The following DENND1C variants were observed in gnomAD, a reference collection of about 807,000 sequenced individuals.
The protein encoded by DENND1C is DENN domain containing 1C, also known as DENN domain-containing protein 1C.
In DENND1C, 64 loss-of-function variants were observed where a neutral mutation model predicts 87.9. The ratio of observed to expected loss-of-function variants is 0.73; its 90% CI spans 0.60 to 0.90. The LOEUF is 0.90. Ranked by LOEUF, DENND1C falls within the 40% of genes least tolerant of loss-of-function variation. The probability of loss-of-function intolerance (pLI) is 0.00; values close to 1 mark genes in which losing one functional copy is unlikely to be tolerated. For synonymous variants in DENND1C, 384 were observed against 424.4 expected, an observed-to-expected ratio of 0.90 and a Z score of 1.17; for missense variants, 980 against 1,037.0, an observed-to-expected ratio of 0.95 and a Z score of 0.76.
chr19:6,473,816 G>GGGGGGGGGGGGGGGGGGGGA (rs1231177042), intron 14 of DENND1C, among the ~76,000 whole-genome samples: 11 of 131,566 alleles, frequency 8.4e-5, no homozygotes, highest in Admixed American at 1.6e-4. Flanking sequence ...GGGGGGTGGG[G>GGGGGGGGGGGGGGGGGGGGA]GGAGGGAAAT....
chr19:6,479,200 A>G (rs2092882048), intron 4 of DENND1C, 144 bp from the exon 5 acceptor site: 4 of 1,196,160 alleles, frequency 3.3e-6, no homozygotes, highest in Non-Finnish European at 2.3e-6. Context: ...TGGGTCTCAG[A>G]ATCCCTGGGT....
intron 14 of DENND1C, among the ~76,000 whole-genome samples, chr19:6,474,238 G>A (rs912154818): frequency 5.3e-5 from 8 of 151,950 alleles, no homozygotes; most frequent in South Asian, 2.1e-4. Flanking sequence ...GACTGCTTGC[G>A]GGGGAGTCCC....
At chr19:6,473,816 G>GGGGGGGGGGTGGGA (rs1231177042) in intron 14 of DENND1C, among the ~76,000 whole-genome samples, 10 of 131,570 alleles carry the variant, frequency 7.6e-5, no homozygotes, top group South Asian at 2.8e-4. Flanking sequence ...GGGGGGTGGG[G>GGGGGGGGGGTGGGA]GGAGGGAAAT....
intron 10 of DENND1C, chr19:6,476,213 G>A (rs1225997786): frequency 4.5e-6 from 2 of 447,778 alleles, no homozygotes; most frequent in Non-Finnish European, 7.9e-6. Context: ...TCCCCATGCA[G>A]GTAGAGCAAG....
At chr19:6,474,866 C>T (rs578110985) in intron 14 of DENND1C, among the ~76,000 whole-genome samples, 16 of 151,996 alleles carry the variant, frequency 1.1e-4, no homozygotes, top group South Asian at 4.2e-4. Flanking sequence ...GTCAGGAGTT[C>T]GAGACCAGCC....
At chr19:6,474,210 AAAAAAG>A (rs1436746288) in intron 14 of DENND1C, among the ~76,000 whole-genome samples, 3 of 150,964 alleles carry the variant, frequency 2.0e-5, no homozygotes, top group Non-Finnish European at 4.4e-5. Context: ...AAAAAAAAAA[AAAAAAG>A]AAGAAGAAGA....
chr19:6,473,071 A>G, intron 14 of DENND1C, 78 bp from the exon 15 acceptor site: 3 of 1,085,156 alleles, frequency 2.8e-6, no homozygotes, highest in Non-Finnish European at 3.7e-6. Context: ...TTATGTAGCA[A>G]ACATTGATTA....
In DENND1C at chr19:6,471,456, C is replaced by A. The variant is rs537937769; in HGVS notation, c.1199G>T (p.Gly400Val). 1.9e-6 allele frequency: 3 copies of A among 1,582,582 alleles called. No homozygotes were observed. In the East Asian group the frequency reaches 6.9e-5, roughly 37 times the overall value. Residue 400 changes from glycine to valine, a missense_variant, in exon 16 of 23, where the codon GGC (glycine) becomes GTC (valine). Transcript: ENST00000381480. Reference protein sequence around the residue: ...ARLEKLNKGEGFSDQFEQEIT... With the variant: ...ARLEKLNKGEVFSDQFEQEIT... ...CTCCTGCTCGAATTGATCTGAGAAGCCCTCCCCCTTGTTGAGCTTCTCCAG... is the reference window on the plus strand; with the variant it reads ...CTCCTGCTCGAATTGATCTGAGAAGACCTCCCCCTTGTTGAGCTTCTCCAG...
intron 10 of DENND1C, 154 bp downstream of exon 10, chr19:6,476,703 G>T: frequency 1.3e-6 from 1 of 749,436 alleles, no homozygotes. Flanking sequence ...CGGGGCCAGA[G>T]TTCAACTCTC....
chr19:6,479,546 C>T (rs940875697), intron 4 of DENND1C, 123 bp downstream of exon 4: 38 of 1,246,604 alleles, frequency 3.0e-5, no homozygotes, highest in Non-Finnish European at 4.0e-5. Context: ...GTGTCTGAGT[C>T]TCTGAGTCTC....
At position 6,469,600 on chromosome 19, in the gene DENND1C, T is replaced by C. The variant is rs764334488; in HGVS notation, c.1403A>G (p.Tyr468Cys). 1 of 1,605,160 alleles carries C rather than the reference T, an allele frequency of 6.2e-7. No individual in the cohort carries two copies. Among genetic ancestry groups the C allele is most frequent in the Non-Finnish European group, 8.5e-7 (1 of 1,176,164 alleles). ...GLKGVQSLLM[Y>C]KDGDSVLQRG... ...CACCCGGCCAGTTGATCTTACCTTA[T>C]ACATTAGAAGGCTCTGCACCCCCTT... Residue 468 changes from tyrosine (Y) to cysteine (C), a missense_variant, in exon 19 of 23, where the codon TAT becomes TGT. Tyr to Cys is a radical substitution (Grantham distance 194). Transcript: ENST00000381480.
At position 6,480,037 on chromosome 19, in the gene DENND1C, G is replaced by A; in HGVS notation, c.32C>T (p.Ala11Val). MESRAEGGSP[A>V]VFDWFFEAAC... ...CGCTTCGAAGAACCAATCAAACACA[G>A]CAGGGGAGCCCCCTCTGTGGGATGC... is the stretch of plus-strand genomic sequence containing the variant. The change falls in exon 2 of 23, where the codon GCT (alanine) becomes GTT (valine). Residue 11 changes from alanine (A) to valine (V), a missense_variant. Transcript: ENST00000381480. 6.2e-7 allele frequency: 1 copy of A among 1,605,004 alleles called. No individual in the cohort carries two copies. Among genetic ancestry groups the A allele is most frequent in the Non-Finnish European group, 8.5e-7 (1 of 1,176,224 alleles).
Position 6,467,982 on chromosome 19 carries a change from A to G in DENND1C, c.1928T>C (p.Ile643Thr). ...SSSKDSRSQL[I>T]PSESDQEVTS... ...GACTTCTTGGTCGGACTCTGAGGGTATCAGCTGGGACCTGGAGTCCTTTGA... is the reference window on the plus strand; with the variant it reads ...GACTTCTTGGTCGGACTCTGAGGGTGTCAGCTGGGACCTGGAGTCCTTTGA... Residue 643 changes from isoleucine (I) to threonine (T), a missense_variant, in exon 23 of 23, where the codon ATA (isoleucine) becomes ACA (threonine). By Grantham distance (89) the Ile-to-Thr change is moderately conservative. Coordinates refer to ENST00000381480, the MANE Select transcript of DENND1C (RefSeq NM_024898.4). The G allele has an allele frequency of 6.2e-7, 1 of 1,613,878 alleles. No homozygotes were observed. Among genetic ancestry groups the G allele is most frequent in the Non-Finnish European group, 8.5e-7 (1 of 1,179,856 alleles).
intron 14 of DENND1C, among the ~76,000 whole-genome samples, chr19:6,474,023 CA>C (rs542346132): frequency 6.2e-4 from 94 of 152,028 alleles, no homozygotes; most frequent in African/African-American, 2.2e-3. Flanking sequence ...GGTGAAACCC[CA>C]TCTGTACTAA....
At chr19:6,479,801 C>T (rs1483997005) in intron 3 of DENND1C, 58 bp downstream of exon 3, 3 of 1,613,768 alleles carry the variant, frequency 1.9e-6, no homozygotes, top group Non-Finnish European at 2.5e-6. Flanking sequence ...GAAACCAAGT[C>T]CCCTCCCCCT....
intron 1 of DENND1C, 30 bp downstream of exon 1, chr19:6,481,648 AC>A (rs1202235567): frequency 2.5e-6 from 4 of 1,612,104 alleles, no homozygotes; most frequent in Non-Finnish European, 2.5e-6. Flanking sequence ...GGAATCTTGT[AC>A]CAGAGAATGA....
Position 6,468,838 on chromosome 19 carries a change from GC to G in DENND1C, c.1515+7del, listed in dbSNP as rs745871835. The G allele has an allele frequency of 1.3e-6, 2 of 1,507,022 alleles. No individual in the cohort carries two copies. The highest frequency in any genetic ancestry group is 1.8e-6 in the Non-Finnish European group (2 of 1,133,774). The allele number at this position is 1,507,022 out of a possible 1,614,324, so 93.4% of individuals were successfully genotyped here. ...CAGGTGTGTGCATGGGGGGAGGGGC[GC>G]TCTCACCTTTCCAAAGTGCTGAGTG... On this transcript the variant is annotated splice_region_variant and intron_variant, in intron 20 of 22. Transcript: ENST00000381480.
chr19:6,479,279 G>GTGTCCCT (rs2092883262), intron 4 of DENND1C, among the ~76,000 whole-genome samples: 1 of 149,950 alleles, frequency 6.7e-6, no homozygotes, highest in African/African-American at 2.5e-5. Flanking sequence ...CTGGGTTTCT[G>GTGTCCCT]GATCTCTGGG....
At chr19:6,474,724 A>T (rs2092848419) in intron 14 of DENND1C, among the ~76,000 whole-genome samples, 1 of 152,112 alleles carries the variant, frequency 6.6e-6, no homozygotes, top group Non-Finnish European at 1.5e-5. Flanking sequence ...GGCACAAAGT[A>T]AGCACTCCAT....
Sources: gnomAD v4.1 joint callset for allele counts (sites outside exome capture counted in the v4.1 genomes callset) on GRCh38, gnomAD v4.1.1 for gene constraint, MANE v1.5 for transcripts, NCBI Gene and HGNC (gene_info 2026-07-23, HGNC 2026-07-21) for gene names.